NUP133: variants seen among roughly 807,000 people sequenced by gnomAD.
The protein encoded by NUP133 is nuclear pore complex protein Nup133.
A neutral mutation model predicts 146.2 loss-of-function variants in NUP133; 66 were observed. The ratio of observed to expected loss-of-function variants is 0.45; its 90% confidence interval spans 0.37 to 0.55. The LOEUF (loss-of-function observed/expected upper bound fraction) is 0.55, where lower values mean the gene tolerates loss of function less well. Ranked by LOEUF, NUP133 falls within the 20% of genes least tolerant of loss-of-function variation. The probability of loss-of-function intolerance (pLI) is 0.00; values close to 1 mark genes in which losing one functional copy is unlikely to be tolerated. For missense variants in NUP133, 1,277 were observed against 1,374.8 expected, an observed-to-expected ratio of 0.93 and a Z score of 1.12; for synonymous variants, 521 against 498.8, an observed-to-expected ratio of 1.04 and a Z score of -0.59.
At chr1:229,488,677 CAAA>C (rs377154071) in intron 9 of NUP133, among the ~76,000 whole-genome samples, 5 of 132,234 alleles carry the variant, frequency 3.8e-5, no homozygotes, top group South Asian at 2.4e-4. Context: ...GAGTAAGGAT[CAAA>C]AAAAAAAAAA....
At chr1:229,465,619 A>T in intron 16 of NUP133, 100 bp from the exon 17 acceptor site, 1 of 877,544 alleles carries the variant, frequency 1.1e-6, no homozygotes, top group Non-Finnish European at 1.8e-6. Context: ...AAGAAAAAAT[A>T]CTCAGGGGCC....
In NUP133 at chr1:229,486,502, A is replaced by G. The variant is rs764506166; in HGVS notation, c.1369T>C (p.Cys457Arg). Residue 457 changes from cysteine to arginine, a missense_variant, in exon 11 of 26, where the codon TGT becomes CGT. Physicochemically the swap from Cys to Arg is radical, Grantham distance 180 (BLOSUM62 -3). Coordinates refer to ENST00000261396, the MANE Select transcript of NUP133 (RefSeq NM_018230.3). The part of the protein sequence containing the change: ...QGDSVLGAGA[C>R]GGVPIIFSRN... ...GAAAAAATGATAGGAACACCACCAC[A>G]GGCACCAGCACCTAAAACACTATCT... The G allele has an allele frequency of 1.9e-6, 3 of 1,609,374 alleles. No individual in the cohort carries two copies. Among genetic ancestry groups the G allele is most frequent in the Non-Finnish European group, 2.5e-6 (3 of 1,178,742 alleles).
intron 23 of NUP133, 69 bp downstream of exon 23, chr1:229,450,456 A>C (rs1660422489): frequency 2.6e-6 from 2 of 759,086 alleles, no homozygotes; most frequent in Admixed American, 2.7e-5. Flanking sequence ...TGATTGACTA[A>C]AAGAGGGATC....
chr1:229,495,602 G>A, intron 7 of NUP133, 37 bp from the exon 8 acceptor site: 1 of 1,441,090 alleles, frequency 6.9e-7, no homozygotes, highest in Non-Finnish European at 9.7e-7. Context: ...CTTCTCAAGT[G>A]CAGGAATGAT....
chr1:229,471,142 G>T (rs988035012), intron 14 of NUP133, among the ~76,000 whole-genome samples: 31 of 152,066 alleles, frequency 2.0e-4, no homozygotes, highest in African/African-American at 7.5e-4. Flanking sequence ...TTGAGACAGG[G>T]TTTTGCTCTG....
At chr1:229,455,902 C>A (rs1445271280) in intron 21 of NUP133, among the ~76,000 whole-genome samples, 1 of 152,188 alleles carries the variant, frequency 6.6e-6, no homozygotes, top group Non-Finnish European at 1.5e-5. Flanking sequence ...AAAACATTCA[C>A]CATAACTGTT....
At chr1:229,494,356 A>T (rs777113817) in intron 8 of NUP133, among the ~76,000 whole-genome samples, 3 of 152,238 alleles carry the variant, frequency 2.0e-5, no homozygotes, top group Non-Finnish European at 4.4e-5. Flanking sequence ...TAGTCTAAAC[A>T]GTCCAAGAGA....
intron 8 of NUP133, 137 bp downstream of exon 8, chr1:229,495,356 ATT>A (rs1487252553): frequency 3.1e-6 from 2 of 645,490 alleles, no homozygotes; most frequent in Non-Finnish European, 5.4e-6. Context: ...GTGCCACTGT[ATT>A]CCAGCCCGGG....
chr1:229,479,562 A>T (rs77295028), intron 12 of NUP133, among the ~76,000 whole-genome samples: 12 of 152,330 alleles, frequency 7.9e-5, no homozygotes, highest in South Asian at 6.2e-4. Context: ...GAACAACTGT[A>T]TAAGAATGAC....
chr1:229,460,874 T>C lies in NUP133; in HGVS notation c.2686-105A>G, dbSNP rs201287976. 11 of 856,296 alleles carry C rather than the reference T, an allele frequency of 1.3e-5. No homozygotes were observed. The East Asian group carries it at 1.8e-4, about 14-fold the overall frequency. 53.0% of individuals were successfully genotyped at this position (856,296 alleles called of 1,614,324 possible). On this transcript the variant is annotated intron_variant, in intron 19 of 25. Transcript: ENST00000261396. ...AAAGGCCTCCAAAACAGAAAACCTGTTCTAAACAATAATTTCCTATATTGT... is the reference window on the plus strand; with the variant it reads ...AAAGGCCTCCAAAACAGAAAACCTGCTCTAAACAATAATTTCCTATATTGT...
intron 13 of NUP133, among the ~76,000 whole-genome samples, chr1:229,476,170 A>C (rs2102766675): frequency 6.6e-6 from 1 of 152,208 alleles, no homozygotes; most frequent in East Asian, 1.9e-4. Flanking sequence ...CTTACAATAC[A>C]GTTGTTTATA....
At chr1:229,449,370 C>CT (rs71173728) in intron 23 of NUP133, among the ~76,000 whole-genome samples, 180 bp from the exon 24 acceptor site, 20,915 of 139,714 alleles carry the variant, frequency 0.15, 1,645 homozygotes, top group Middle Eastern at 0.24. Context: ...AAGAGTTTTT[C>CT]TTTTTTTTTT....
At chr1:229,478,119 C>T (rs918035530) in intron 12 of NUP133, among the ~76,000 whole-genome samples, 2 of 151,772 alleles carry the variant, frequency 1.3e-5, no homozygotes, top group African/African-American at 2.4e-5. Flanking sequence ...ACCCCACAAA[C>T]GTATACACCT....
In NUP133 at chr1:229,475,712, T is replaced by C. The variant is rs112964328; in HGVS notation, c.1777A>G (p.Thr593Ala). Residue 593 changes from threonine to alanine, a missense_variant, in exon 14 of 26, where the codon ACG (threonine) becomes GCG (alanine). Thr to Ala is a moderately conservative substitution (Grantham distance 58). This residue lies in a region of NUP133 where 952 missense variants were observed against 1,047.0 expected (regional missense o/e 0.91). Transcript: ENST00000261396. ...VPEEAPGFSN[T>A]SLIILHQLED... ...AGCTGGTGAAGGATAATCAGTGACG[T>C]ATTGCTGAACCCAGGTGCTTCTGTT... 15 of 1,614,048 alleles carry C rather than the reference T, an allele frequency of 9.3e-6. No homozygotes were observed. The East Asian group carries it at 3.1e-4, about 34-fold the overall frequency.
chr1:229,448,409 CAA>C lies in NUP133; in HGVS notation c.3245+715_3245+716del, dbSNP rs1660362120. Reference sequence around the variant, plus strand: ...CACCACTGCACTCCAGGCTGGGCAACAAGAGCTAAACTCTGTCTCAAAATAAA... The same window carrying C: ...CACCACTGCACTCCAGGCTGGGCAACGAGCTAAACTCTGTCTCAAAATAAA... On this transcript the variant is annotated intron_variant, in intron 24 of 25. Transcript: ENST00000261396. Among the ~76,000 whole-genome samples the C allele has an allele frequency of 3.3e-5, 5 of 152,100 alleles. No homozygotes were observed. In the South Asian group the frequency reaches 1.0e-3, roughly 32 times the overall value.
chr1:229,478,042 G>A (rs1661121001), intron 12 of NUP133, among the ~76,000 whole-genome samples: 1 of 152,118 alleles, frequency 6.6e-6, no homozygotes, highest in African/African-American at 2.4e-5. Flanking sequence ...TGCTTGAGGT[G>A]ACGGATATCC....
chr1:229,451,406 A>C (rs1440238779), intron 22 of NUP133, among the ~76,000 whole-genome samples: 1 of 95,576 alleles, frequency 1.0e-5, no homozygotes, highest in Non-Finnish European at 2.1e-5. Flanking sequence ...TCTTGTCTCT[A>C]AAAAAAAATT....
intron 2 of NUP133, among the ~76,000 whole-genome samples, chr1:229,503,562 A>G (rs1047230120): frequency 6.6e-6 from 1 of 152,222 alleles, no homozygotes; most frequent in African/African-American, 2.4e-5. Context: ...AGCCCTGGAA[A>G]TTTTATTAAG....
chr1:229,461,910 T>C (rs1195601401), intron 19 of NUP133, among the ~76,000 whole-genome samples: 1 of 151,260 alleles, frequency 6.6e-6, no homozygotes, highest in Admixed American at 6.6e-5. Flanking sequence ...TTGAGACGGA[T>C]TCTTGTTCTG....
Sources: allele counts gnomAD v4.1 joint callset (sites outside exome capture counted in the v4.1 genomes callset), GRCh38; gene constraint gnomAD v4.1.1; regional missense constraint gnomAD v4.1.1; transcripts MANE v1.5; gene names NCBI Gene and HGNC (gene_info 2026-07-23, HGNC 2026-07-21).